ARHGEF10L: variants seen among roughly 807,000 people sequenced by gnomAD.
ARHGEF10L encodes rho guanine nucleotide exchange factor 10-like protein.
A neutral mutation model predicts 141.2 loss-of-function variants in ARHGEF10L; 69 were observed. The observed-to-expected ratio is 0.49, with a 90% confidence interval of 0.40 to 0.60. The LOEUF is 0.60. Ranked by LOEUF, ARHGEF10L falls within the 20% of genes least tolerant of loss-of-function variation. The pLI is 0.00. For missense variants in ARHGEF10L, 1,482 were observed against 1,734.3 expected (o/e 0.85, Z 2.58); for synonymous variants, 711 against 718.5 (o/e 0.99, Z 0.17).
chr1:17,574,029 G>C (rs1369930323), intron 1 of ARHGEF10L, among the ~76,000 whole-genome samples: 2 of 152,144 alleles, frequency 1.3e-5, no homozygotes, highest in Admixed American at 6.5e-5. Context: ...CCATCAGGTC[G>C]GTGAGGGAGG....
intron 11 of ARHGEF10L, among the ~76,000 whole-genome samples, chr1:17,622,510 G>A (rs915894009): frequency 8.5e-5 from 13 of 152,108 alleles, no homozygotes; most frequent in Non-Finnish European, 1.5e-4. Flanking sequence ...CACCAGGGTG[G>A]GGAATTGTTG....
At position 17,541,191 on chromosome 1, in the gene ARHGEF10L, T is replaced by C. The variant is rs538249103; in HGVS notation, c.-44+1241T>C. Reference sequence around the variant, plus strand: ...TCCACCAAAGAGCCTCTGTGGGCTGTTCTCTCTATCCAGGAAGTGGGTCCC... The same window carrying C: ...TCCACCAAAGAGCCTCTGTGGGCTGCTCTCTCTATCCAGGAAGTGGGTCCC... On this transcript the variant is annotated intron_variant, in intron 1 of 28. Transcript: ENST00000361221. Among the ~76,000 whole-genome samples, 3 of 152,310 alleles carry C rather than the reference T, an allele frequency of 2.0e-5. No individual in the cohort carries two copies. In the South Asian group the frequency reaches 6.2e-4, roughly 32 times the overall value.
At chr1:17,672,872 T>C (rs1289661896) in intron 26 of ARHGEF10L, among the ~76,000 whole-genome samples, 1 of 151,964 alleles carries the variant, frequency 6.6e-6, no homozygotes, top group Non-Finnish European at 1.5e-5. Flanking sequence ...GGTTGCAAAC[T>C]CGGGCCTGGA....
rs537537464 is a variant in ARHGEF10L at position 17,648,008 on chromosome 1, G to T, written c.2273-546G>T. The stretch of plus-strand genomic sequence containing the variant: ...CAGGCGGCTTCCTAATTTCAGGGTT[G>T]TCTTGAAGGAAGCAGGAGTGTGATT... On this transcript the variant is annotated intron_variant, in intron 21 of 28. Transcript: ENST00000361221. Among the ~76,000 whole-genome samples the T allele has an allele frequency of 1.2e-4, 18 of 152,254 alleles. No individual in the cohort carries two copies. The South Asian group carries it at 3.5e-3, about 30-fold the overall frequency.
At chr1:17,535,589 C>T (rs772252436), upstream of ARHGEF10L, among the ~76,000 whole-genome samples, 11 of 152,240 alleles carry the variant, frequency 7.2e-5, no homozygotes, top group Non-Finnish European at 1.5e-4. Context: ...CCTGTATGCC[C>T]TCATTCTCTC....
At chr1:17,594,292 C>T (rs1257538775) in intron 4 of ARHGEF10L, among the ~76,000 whole-genome samples, 1 of 151,972 alleles carries the variant, frequency 6.6e-6, no homozygotes, top group Non-Finnish European at 1.5e-5. Flanking sequence ...GAGGACATGA[C>T]ATCAGCCCAA....
In ARHGEF10L at chr1:17,547,911, G is replaced by T. The variant is rs547534811; in HGVS notation, c.-44+7961G>T. 1.4e-4 allele frequency among the ~76,000 whole-genome samples: 21 copies of T among 152,308 alleles called. No homozygotes were observed. In the Middle Eastern group the frequency reaches 0.01, roughly 74 times the overall value. On this transcript the variant is annotated intron_variant, in intron 1 of 28. Coordinates refer to ENST00000361221, the MANE Select transcript of ARHGEF10L (RefSeq NM_018125.4). ...GCCCACAAAGGGAGAGGCTGTGTTG[G>T]GTTCTGGGAGTAGACGCTGGGAGTA...
chr1:17,528,289 C>T, the ARHGEF10L span, among the ~76,000 whole-genome samples: 2 of 151,950 alleles, frequency 1.3e-5, no homozygotes, highest in African/African-American at 4.8e-5. Flanking sequence ...GTGGCATGAT[C>T]ACAGCTCACT....
At chr1:17,678,884 T>G (rs7531556) in intron 26 of ARHGEF10L, among the ~76,000 whole-genome samples, 12,744 of 152,202 alleles carry the variant, frequency 0.084, 1,457 homozygotes, top group African/African-American at 0.25. Context: ...GGCCTTACTG[T>G]AGGAATTGTT....
the ARHGEF10L span, among the ~76,000 whole-genome samples, chr1:17,514,303 T>G: frequency 1.1e-4 from 16 of 150,920 alleles, no homozygotes; most frequent in African/African-American, 3.9e-4. Context: ...GCCCAGCTAA[T>G]TTTTGTATTT....
At position 17,625,826 on chromosome 1, in the gene ARHGEF10L, G is replaced by T; in HGVS notation, c.1318-130G>T. 1 of 758,906 alleles carries T rather than the reference G, an allele frequency of 1.3e-6. No individual in the cohort carries two copies. Among genetic ancestry groups the T allele is most frequent in the Non-Finnish European group, 2.2e-6 (1 of 458,624 alleles). The allele number at this position is 758,906 out of a possible 1,614,324, so 47.0% of individuals were successfully genotyped here. On this transcript the variant is annotated intron_variant, in intron 13 of 28. Coordinates refer to ENST00000361221, the MANE Select transcript of ARHGEF10L (RefSeq NM_018125.4). This position sits in a 1 kb window ranked among gnomAD's most constrained non-coding sequence, Gnocchi z 4.5. ...CCACGGACCTCTCTCAGCTCTTCTTGCAAGCCCAGGGATAGGCAGGGTCTT... is the reference window on the plus strand; with the variant it reads ...CCACGGACCTCTCTCAGCTCTTCTTTCAAGCCCAGGGATAGGCAGGGTCTT...
At position 17,603,092 on chromosome 1, in the gene ARHGEF10L, AG is replaced by A. The variant is rs2080844675; in HGVS notation, c.350-412del. Among the ~76,000 whole-genome samples the A allele has an allele frequency of 6.6e-6, 1 of 151,496 alleles. No individual in the cohort carries two copies. The highest frequency in any genetic ancestry group is 1.5e-5 in the Non-Finnish European group (1 of 67,854). On this transcript the variant is annotated intron_variant, in intron 5 of 28. Transcript: ENST00000361221. This position sits in a 1 kb window ranked among gnomAD's most constrained non-coding sequence, Gnocchi z 4.8. ...TGTGGGTCAAGGACCGGCTCCCATC[AG>A]GGGTGGGGGCTGGTTTTCCAAGTCC...
chr1:17,614,531 G>A (rs1468798490), intron 8 of ARHGEF10L, among the ~76,000 whole-genome samples: 1 of 152,186 alleles, frequency 6.6e-6, no homozygotes, highest in Non-Finnish European at 1.5e-5. Flanking sequence ...CAGCACCACT[G>A]ATGGCTTTCT....
chr1:17,607,916 A>G lies in ARHGEF10L; in HGVS notation c.548A>G (p.Glu183Gly). The G allele has an allele frequency of 6.5e-7, 1 of 1,532,086 alleles. No homozygotes were observed. 94.9% of individuals were successfully genotyped at this position (1,532,086 alleles called of 1,614,324 possible). The change falls in exon 7 of 29, where the codon GAG becomes GGG. Residue 183 changes from glutamate (E) to glycine (G), a missense_variant. Glu to Gly is a moderately conservative substitution (Grantham distance 98). Transcript: ENST00000361221. The surrounding 1 kb of genome is among the most constrained non-coding windows in gnomAD (Gnocchi z 4.5). ...EFESYSEDSG[E>G]EAKPEVEVEP... ...GAGAGCTACAGCGAGGACTCGGGGGAGGAGGCCAAGCCGGAGGTCGAGGTC... is the reference window on the plus strand; with the variant it reads ...GAGAGCTACAGCGAGGACTCGGGGGGGGAGGCCAAGCCGGAGGTCGAGGTC...
At chr1:17,692,191 C>G (rs918531151) in intron 27 of ARHGEF10L, among the ~76,000 whole-genome samples, 8 of 152,166 alleles carry the variant, frequency 5.3e-5, no homozygotes, top group African/African-American at 1.9e-4. Flanking sequence ...TCCACAGACA[C>G]CCAGGTACTG....
intron 9 of ARHGEF10L, chr1:17,618,445 A>C: frequency 6.6e-7 from 1 of 1,515,546 alleles, no homozygotes; most frequent in Non-Finnish European, 8.8e-7. Flanking sequence ...TGGGCCCGGC[A>C]GGAGGGTCTG....
chr1:17,574,629 AG>A (rs2078144143), intron 1 of ARHGEF10L, among the ~76,000 whole-genome samples: 1 of 152,146 alleles, frequency 6.6e-6, no homozygotes, highest in Admixed American at 6.5e-5. Context: ...CTTCATACCA[AG>A]GCCGGGTTCC....
rs79659692 is a variant in ARHGEF10L at position 17,632,449 on chromosome 1, T to C, written c.1713T>C (p.Cys571=). 7,411 of 1,614,090 alleles carry C rather than the reference T, an allele frequency of 4.6e-3. 292 individuals are homozygous for C. In the African/African-American group the frequency reaches 0.084, roughly 18 times the overall value. ...RVFLLNDMLV[C]ANINFKPANH... is the part of the protein sequence containing the mutation. ...TCCTGCTCAACGACATGCTTGTCTG[T>C]GCCAACATCAACTTCAAGTAAGTGG... Residue 571 remains cysteine, a synonymous_variant, in exon 16 of 29, where the codon TGT becomes TGC. Transcript: ENST00000361221.
intron 21 of ARHGEF10L, among the ~76,000 whole-genome samples, chr1:17,648,024 G>T (rs2061697668): frequency 6.6e-6 from 1 of 152,170 alleles, no homozygotes; most frequent in African/African-American, 2.4e-5. Context: ...AAGGAAGCAG[G>T]AGTGTGATTC....
Sources: gnomAD v4.1 joint callset for allele counts (sites outside exome capture counted in the v4.1 genomes callset) on GRCh38, gnomAD v4.1.1 for gene constraint, Gnocchi (gnomAD v3.1) non-coding constraint, MANE v1.5 for transcripts, NCBI Gene and HGNC (gene_info 2026-07-23, HGNC 2026-07-21) for gene names.